VAV1: variants seen among roughly 807,000 people sequenced by gnomAD.
VAV1 encodes the protein vav guanine nucleotide exchange factor 1, also known as proto-oncogene vav.
Under a neutral mutation model 128.1 loss-of-function variants are expected in VAV1, and 33 were observed. That is an observed-to-expected ratio of 0.26 (90% CI 0.20 to 0.34). VAV1 has a LOEUF of 0.34. VAV1 is among the 10% of genes least tolerant of loss of function. VAV1 has a pLI of 1.00. For synonymous variants in VAV1, 394 were observed against 409.8 expected (o/e 0.96, Z 0.47); for missense variants, 715 against 1,093.7 (o/e 0.65, Z 4.88).
chr19:6,844,307 C>T (rs1972462492), intron 22 of VAV1, among the ~76,000 whole-genome samples: 1 of 151,760 alleles, frequency 6.6e-6, no homozygotes, highest in Non-Finnish European at 1.5e-5. Flanking sequence ...CAACCTCCAC[C>T]TCCCAGGTTC....
intron 1 of VAV1, among the ~76,000 whole-genome samples, chr19:6,790,077 C>T (rs527361879): frequency 1.3e-5 from 2 of 152,290 alleles, no homozygotes; most frequent in Admixed American, 1.3e-4. Flanking sequence ...ACTCGAGAGG[C>T]TGAGGCAGAA....
At chr19:6,782,142 C>T (rs1226866437) in intron 1 of VAV1, among the ~76,000 whole-genome samples, 1 of 151,846 alleles carries the variant, frequency 6.6e-6, no homozygotes, top group Non-Finnish European at 1.5e-5. Flanking sequence ...CCAGCCTGTC[C>T]AACATGGCGA....
chr19:6,814,667 C>CCTTTCTTTCTTTCTTT (rs1163692104), intron 1 of VAV1, among the ~76,000 whole-genome samples: 1 of 25,100 alleles, frequency 4.0e-5, no homozygotes, highest in African/African-American at 2.3e-4. Flanking sequence ...TTCCTTCCTT[C>CCTTTCTTTCTTTCTTT]CTTCCTTTCT....
chr19:6,797,338 C>T (rs1191340075), intron 1 of VAV1, among the ~76,000 whole-genome samples: 1 of 152,062 alleles, frequency 6.6e-6, no homozygotes, highest in Non-Finnish European at 1.5e-5. Context: ...CCCCTTCACA[C>T]TCTAAAGTAA....
At chr19:6,851,546 A>G (rs1972675595) in intron 24 of VAV1, among the ~76,000 whole-genome samples, 1 of 152,124 alleles carries the variant, frequency 6.6e-6, no homozygotes, top group Non-Finnish European at 1.5e-5. Context: ...TTCCCATTTC[A>G]CAGATGGGTA....
intron 1 of VAV1, chr19:6,784,030 G>C: frequency 2.5e-6 from 1 of 402,584 alleles, no homozygotes; most frequent in Non-Finnish European, 4.4e-6. Flanking sequence ...GAGACAGGAG[G>C]ATTGCTTGAG....
intron 1 of VAV1, among the ~76,000 whole-genome samples, chr19:6,805,174 C>T (rs1251508453): frequency 1.3e-5 from 2 of 151,966 alleles, no homozygotes; most frequent in African/African-American, 2.4e-5. Flanking sequence ...CCTGTAATCC[C>T]AGCACTTTGG....
Position 6,822,369 on chromosome 19 carries a change from C to A in VAV1, c.558+40C>A, listed in dbSNP as rs551172306. ...GGGTCGGGCCTGGGGAGGGCGTGGG[C>A]GGGGGGCAGCCCCAGGCCCCCCAAC... is the stretch of plus-strand genomic sequence containing the variant. On this transcript the variant is annotated intron_variant, in intron 5 of 26. Transcript: ENST00000602142. The surrounding 1 kb of genome is among the most constrained non-coding windows in gnomAD (Gnocchi z 5.9). 219 of 633,026 alleles carry A rather than the reference C, an allele frequency of 3.5e-4. 4 individuals are homozygous for A. Among genetic ancestry groups the A allele is most frequent in the South Asian group, 3.1e-3 (209 of 67,672 alleles). The allele number at this position is 633,026 out of a possible 1,614,324, so 39.2% of individuals were successfully genotyped here. A position where few individuals can be genotyped will look rare whatever the true frequency, so the allele number is the denominator to read the frequency against.
chr19:6,780,611 C>T (rs1253273114), intron 1 of VAV1, among the ~76,000 whole-genome samples: 4 of 139,340 alleles, frequency 2.9e-5, no homozygotes, highest in African/African-American at 1.0e-4. Flanking sequence ...TCACTCTATT[C>T]CTCAGGCTGG....
chr19:6,850,275 G>T (rs1972637883), intron 23 of VAV1, among the ~76,000 whole-genome samples: 1 of 123,808 alleles, frequency 8.1e-6, no homozygotes, highest in African/African-American at 3.1e-5. Flanking sequence ...GAGCAGGAGT[G>T]GAGGTCTTCT....
At chr19:6,811,368 C>G (rs1402442328) in intron 1 of VAV1, among the ~76,000 whole-genome samples, 3 of 152,126 alleles carry the variant, frequency 2.0e-5, no homozygotes, top group Non-Finnish European at 4.4e-5. Context: ...GTATTGGGCA[C>G]TATTGCATGC....
intron 1 of VAV1, among the ~76,000 whole-genome samples, chr19:6,798,514 A>G (rs1419354869): frequency 6.6e-6 from 1 of 152,098 alleles, no homozygotes; most frequent in Non-Finnish European, 1.5e-5. Context: ...TTAGCTGGTC[A>G]TAGTGGCATG....
Position 6,857,254 on chromosome 19 carries a change from C to T in VAV1, c.*147C>T, listed in dbSNP as rs1443594081. 5.7e-6 allele frequency: 6 copies of T among 1,050,490 alleles called. No homozygotes were observed. Among genetic ancestry groups the T allele is most frequent in the Admixed American group, 2.7e-5 (1 of 37,720 alleles). The allele number at this position is 1,050,490 out of a possible 1,614,324, so 65.1% of individuals were successfully genotyped here. A position where few individuals can be genotyped will look rare whatever the true frequency, so the allele number is the denominator to read the frequency against. On this transcript the variant is annotated 3_prime_UTR_variant, in exon 27 of 27. Transcript: ENST00000602142. ...GCCAGCGTCCAGCTGGCGGTGCTCC[C>T]GGGATGTGCCCTGACATGGTTAATT...
rs989652026 is a variant in VAV1, at chr19:6,779,136, C to T, written c.204+6125C>T. 1.1e-4 allele frequency among the ~76,000 whole-genome samples: 16 copies of T among 150,358 alleles called. 1 individual carries two copies. Among genetic ancestry groups the T allele is most frequent in the Non-Finnish European group, 1.3e-4 (9 of 67,316 alleles). On this transcript the variant is annotated intron_variant, in intron 1 of 26. Transcript: ENST00000602142. ...GTATGATCACAGCTCACTGCAGCCT[C>T]GAACTCCTGTGCTCAAGCAGTCCTC...
chr19:6,820,947 A>G lies in VAV1; in HGVS notation c.321+129A>G. The G allele has an allele frequency of 1.2e-6, 1 of 812,314 alleles. No homozygotes were observed. The highest frequency in any genetic ancestry group is 2.1e-6 in the Non-Finnish European group (1 of 485,424). The allele number at this position is 812,314 out of a possible 1,614,324, so 50.3% of individuals were successfully genotyped here. On this transcript the variant is annotated intron_variant, in intron 2 of 26. Coordinates refer to ENST00000602142, the MANE Select transcript of VAV1 (RefSeq NM_005428.4). This position sits in a 1 kb window ranked among gnomAD's most constrained non-coding sequence, Gnocchi z 4.4. ...ACCAGGCCATATACAAGACGCAAAT[A>G]GCACTGGCTTGGGATATGTGGAACT...
rs752755675 is a variant in VAV1, at chr19:6,777,341, G to GCA, written c.204+4341_204+4342dup. ...CTTGGTGCTGGGGACAGTGGGAATAGCACACACACACAAAAACCCCTGTTG... is the reference window on the plus strand; with the variant it reads ...CTTGGTGCTGGGGACAGTGGGAATAGCACACACACACACAAAAACCCCTGTTG... On this transcript the variant is annotated intron_variant, in intron 1 of 26. Transcript: ENST00000602142. The surrounding 1 kb of genome is among the most constrained non-coding windows in gnomAD (Gnocchi z 4.4). 2.1e-4 allele frequency among the ~76,000 whole-genome samples: 32 copies of GCA among 152,184 alleles called. 1 individual carries two copies. The East Asian group carries it at 2.7e-3, about 13-fold the overall frequency.
At chr19:6,825,256 C>A in intron 7 of VAV1, 47 bp from the exon 8 acceptor site, 2 of 1,589,032 alleles carry the variant, frequency 1.3e-6, no homozygotes, top group Non-Finnish European at 1.7e-6. Flanking sequence ...TCCTGGCCCC[C>A]TGAGCCCTGG....
intron 1 of VAV1, among the ~76,000 whole-genome samples, chr19:6,776,107 TCC>T (rs1568278776): frequency 2.1e-5 from 3 of 145,480 alleles, no homozygotes. Flanking sequence ...CATCCATCCA[TCC>T]ATCCATCCAT....
chr19:6,856,828 T>C (rs1972817285), intron 26 of VAV1, among the ~76,000 whole-genome samples: 1 of 149,728 alleles, frequency 6.7e-6, no homozygotes, highest in Non-Finnish European at 1.5e-5. Flanking sequence ...GCTAGGAAGG[T>C]CTTGCTGATA....
Sources: gnomAD v4.1 joint callset for allele counts (sites outside exome capture counted in the v4.1 genomes callset) on GRCh38, gnomAD v4.1.1 for gene constraint, Gnocchi (gnomAD v3.1) non-coding constraint, MANE v1.5 for transcripts, NCBI Gene and HGNC (gene_info 2026-07-23, HGNC 2026-07-21) for gene names.